DRC1: variants seen among roughly 807,000 people sequenced by gnomAD.
DRC1 encodes dynein regulatory complex subunit 1.
DRC1 carries 74 observed loss-of-function variants against 98.7 expected under a neutral mutation model. That is an observed-to-expected ratio of 0.75 (90% CI 0.62 to 0.91). DRC1 has a LOEUF of 0.91. Among genes scored for constraint, DRC1 ranks in the 40% least tolerant of loss-of-function variants. The pLI is 0.00. For synonymous variants in DRC1, 336 were observed against 334.1 expected, an observed-to-expected ratio of 1.01 and a Z score of -0.06; for missense variants, 875 against 886.0, an observed-to-expected ratio of 0.99 and a Z score of 0.16.
chr2:26,405,861 T>G (rs929965958), intron 1 of DRC1, among the ~76,000 whole-genome samples: 1 of 152,024 alleles, frequency 6.6e-6, no homozygotes, highest in Admixed American at 6.6e-5. Flanking sequence ...GGTTTCACCA[T>G]GTTGGCCAGG....
intron 3 of DRC1, among the ~76,000 whole-genome samples, chr2:26,423,505 C>A (rs999870903): frequency 3.0e-4 from 46 of 152,264 alleles, no homozygotes; most frequent in African/African-American, 1.0e-3. Context: ...GCTCAGCTCT[C>A]CTGCCTTCCT....
intron 7 of DRC1, among the ~76,000 whole-genome samples, chr2:26,437,996 G>T (rs189172510): frequency 1.5e-3 from 221 of 150,162 alleles, no homozygotes; most frequent in Non-Finnish European, 2.9e-3. Context: ...GGAGGCTGAG[G>T]CAGGAGAATC....
chr2:26,452,740 T>C (rs572623312), intron 13 of DRC1, among the ~76,000 whole-genome samples: 12 of 152,302 alleles, frequency 7.9e-5, no homozygotes, highest in African/African-American at 2.6e-4. Context: ...TGTATTCACA[T>C]GAAAAGGTAC....
intron 7 of DRC1, among the ~76,000 whole-genome samples, chr2:26,437,440 G>A (rs563896096): frequency 6.6e-5 from 10 of 152,306 alleles, no homozygotes; most frequent in African/African-American, 1.2e-4. Flanking sequence ...GGTTCCCTCC[G>A]CAAGGGCCAG....
At chr2:26,432,157 A>G (rs1663453573) in intron 7 of DRC1, 151 bp downstream of exon 7, 2 of 1,279,174 alleles carry the variant, frequency 1.6e-6, no homozygotes, top group South Asian at 3.1e-5. Flanking sequence ...TTAAATGTTC[A>G]TATCTGAAGG....
rs1348607335 is a variant in DRC1, at chr2:26,455,248, C to T, written c.2166+15C>T. On this transcript the variant is annotated intron_variant, in intron 16 of 16. Coordinates refer to ENST00000288710, the MANE Select transcript of DRC1 (RefSeq NM_145038.5). ...TGAACTCCAAGGTGGGCGGCGGGGC[C>T]TTCCAAGGAGGGGCAGCGGGAGACA... 6.2e-7 allele frequency: 1 copy of T among 1,609,028 alleles called. No individual in the cohort carries two copies. The highest frequency in any genetic ancestry group is 8.5e-7 in the Non-Finnish European group (1 of 1,177,158).
chr2:26,436,582 G>A (rs1415584176), intron 7 of DRC1, among the ~76,000 whole-genome samples: 2 of 152,054 alleles, frequency 1.3e-5, no homozygotes, highest in Non-Finnish European at 2.9e-5. Context: ...CAAAGTGCTG[G>A]GATTACAGGC....
intron 4 of DRC1, among the ~76,000 whole-genome samples, chr2:26,425,779 A>G (rs1663267547): frequency 6.6e-6 from 1 of 152,126 alleles, no homozygotes; most frequent in East Asian, 1.9e-4. Flanking sequence ...TTTTTGAGTT[A>G]TAGAAGTTCT....
chr2:26,425,718 T>A (rs528659360), intron 4 of DRC1, among the ~76,000 whole-genome samples: 1 of 152,358 alleles, frequency 6.6e-6, no homozygotes, highest in East Asian at 1.9e-4. Context: ...TTGTATATCA[T>A]CTTTGGAGAA....
chr2:26,402,072 A>G lies in DRC1; in HGVS notation c.83A>G (p.His28Arg), dbSNP rs771532771. The G allele has an allele frequency of 1.1e-5, 17 of 1,612,922 alleles. No individual in the cohort carries two copies. In the South Asian group the frequency reaches 1.6e-4, roughly 16 times the overall value. ...ACCCAGATTCTCGCGCCCTCGGTCCACTCCGACAACTCTCAGGAGCGCATC... is the reference window on the plus strand; with the variant it reads ...ACCCAGATTCTCGCGCCCTCGGTCCGCTCCGACAACTCTCAGGAGCGCATC... The part of the protein sequence containing the change: ...LSTQILAPSV[H>R]SDNSQERIQA... Residue 28 changes from histidine (H) to arginine (R), a missense_variant, in exon 1 of 17, where the codon CAC (histidine) becomes CGC (arginine). By Grantham distance (29) the His-to-Arg change is conservative (BLOSUM62 0). Transcript: ENST00000288710.
intron 4 of DRC1, among the ~76,000 whole-genome samples, chr2:26,425,920 G>A (rs543624635): frequency 2.6e-5 from 4 of 151,736 alleles, no homozygotes; most frequent in Non-Finnish European, 4.4e-5. Flanking sequence ...GTGCAGCCCC[G>A]TTTGTCTATT....
intron 1 of DRC1, among the ~76,000 whole-genome samples, chr2:26,412,851 C>T (rs1216605127): frequency 5.3e-5 from 8 of 152,222 alleles, no homozygotes; most frequent in Non-Finnish European, 7.4e-5. Context: ...TATCTCGGCT[C>T]GGCTCACTGC....
At position 26,420,764 on chromosome 2, in the gene DRC1, TTC is replaced by T. The variant is rs202192461; in HGVS notation, c.244-522_244-521del. ...TTTTCTTTTTTCTTTCTTTTTCTTC[TTC>T]TTTTTTTTTTTTTCTGAGATAGGGT... On this transcript the variant is annotated intron_variant, in intron 2 of 16. Coordinates refer to ENST00000288710, the MANE Select transcript of DRC1 (RefSeq NM_145038.5). Among the ~76,000 whole-genome samples the T allele has an allele frequency of 4.7e-4, 68 of 145,754 alleles. 1 individual carries two copies. Among genetic ancestry groups the T allele is most frequent in the Middle Eastern group, 3.5e-3 (1 of 282 alleles).
intron 7 of DRC1, among the ~76,000 whole-genome samples, chr2:26,432,416 T>C (rs1264614339): frequency 6.6e-6 from 1 of 151,990 alleles, no homozygotes; most frequent in Non-Finnish European, 1.5e-5. Flanking sequence ...GGAGGGTCAC[T>C]TGAGCCCAGG....
At position 26,430,859 on chromosome 2, in the gene DRC1, A is replaced by G. The variant is rs773601398; in HGVS notation, c.752A>G (p.His251Arg). 1 of 1,614,064 alleles carries G rather than the reference A, an allele frequency of 6.2e-7. No individual in the cohort carries two copies. Among genetic ancestry groups the G allele is most frequent in the Non-Finnish European group, 8.5e-7 (1 of 1,179,918 alleles). Residue 251 changes from histidine (H) to arginine (R), a missense_variant, in exon 6 of 17, where the codon CAT becomes CGT. Coordinates refer to ENST00000288710, the MANE Select transcript of DRC1 (RefSeq NM_145038.5). ...AAATGGGAGCAAGCCCTTCAGGCTC[A>G]TAATGCCAAAGAGGTAAAGGGTGGA... The part of the protein sequence containing the change: ...KKKWEQALQA[H>R]NAKELEYLNN...
At position 26,414,385 on chromosome 2, in the gene DRC1, A is replaced by G. The variant is rs993323990; in HGVS notation, c.197A>G (p.Glu66Gly). The G allele has an allele frequency of 1.2e-6, 2 of 1,613,872 alleles. No individual in the cohort carries two copies. Among genetic ancestry groups the G allele is most frequent in the Non-Finnish European group, 1.7e-6 (2 of 1,179,958 alleles). ...GEYLDGKKES[E>G]EDQSKSYKQK... ...TATTTAGATGGGAAGAAGGAGAGTG[A>G]GGAGGATCAAAGCAAGAGCTACAAA... The change falls in exon 2 of 17, where the codon GAG (glutamate) becomes GGG (glycine). Residue 66 changes from glutamate (E) to glycine (G), a missense_variant. By Grantham distance (98) the Glu-to-Gly change is moderately conservative. Coordinates refer to ENST00000288710, the MANE Select transcript of DRC1 (RefSeq NM_145038.5).
At chr2:26,444,972 C>T (rs911465055) in intron 10 of DRC1, 24 bp downstream of exon 10, 3 of 1,608,442 alleles carry the variant, frequency 1.9e-6, no homozygotes, top group African/African-American at 2.7e-5. Context: ...TGTCATAGAG[C>T]CTTAGAGCTG....
At chr2:26,451,666 G>A (rs1014048298) in intron 13 of DRC1, among the ~76,000 whole-genome samples, 6 of 151,970 alleles carry the variant, frequency 3.9e-5, no homozygotes, top group Non-Finnish European at 7.4e-5. Flanking sequence ...ATTTCAGCCT[G>A]GGTGACAGAG....
chr2:26,426,453 G>A (rs112484270), intron 4 of DRC1, among the ~76,000 whole-genome samples: 12 of 150,504 alleles, frequency 8.0e-5, no homozygotes, highest in African/African-American at 2.2e-4. Context: ...TGCAACCTCC[G>A]TCTCTAGGGT....
Sources: allele counts gnomAD v4.1 joint callset (sites outside exome capture counted in the v4.1 genomes callset), GRCh38; gene constraint gnomAD v4.1.1; transcripts MANE v1.5; gene names NCBI Gene and HGNC (gene_info 2026-07-23, HGNC 2026-07-21).